The following KALRN variants were observed in gnomAD, a reference collection of about 807,000 sequenced individuals.
The protein encoded by KALRN is kalirin RhoGEF kinase, also known as kalirin.
KALRN carries 70 observed loss-of-function variants against 353.7 expected under a neutral mutation model. The observed-to-expected ratio is 0.20, with a 90% CI of 0.16 to 0.24. The LOEUF (loss-of-function observed/expected upper bound fraction) is 0.24, where lower values mean the gene tolerates loss of function less well. KALRN is among the 10% of genes least tolerant of loss of function. KALRN has a pLI of 1.00. For missense variants in KALRN, 2,791 were observed against 3,756.7 expected (o/e 0.74, Z 6.72); for synonymous variants, 1,391 against 1,434.8 (o/e 0.97, Z 0.69).
chr3:124,117,733 T>C (rs1489219920), intron 1 of KALRN, among the ~76,000 whole-genome samples: 4 of 152,114 alleles, frequency 2.6e-5, no homozygotes, highest in African/African-American at 4.8e-5. Context: ...TTACTTAACA[T>C]GATGTGGTGG....
intron 2 of KALRN, among the ~76,000 whole-genome samples, chr3:124,228,759 T>C (rs905466946): frequency 9.2e-5 from 14 of 152,222 alleles, no homozygotes; most frequent in African/African-American, 3.4e-4. Context: ...AAAGTCATTA[T>C]TGCACAGTTC....
chr3:124,630,955 T>C (rs2080707668), intron 34 of KALRN, among the ~76,000 whole-genome samples: 1 of 151,694 alleles, frequency 6.6e-6, no homozygotes. Flanking sequence ...AATTAGGCCA[T>C]GGCCCCCTCC....
intron 33 of KALRN, among the ~76,000 whole-genome samples, chr3:124,549,964 T>A (rs1314727212): frequency 6.6e-6 from 1 of 152,092 alleles, no homozygotes; most frequent in African/African-American, 2.4e-5. Flanking sequence ...GGAAGTGTTA[T>A]GAAGGGCTTT....
intron 38 of KALRN, among the ~76,000 whole-genome samples, chr3:124,652,870 C>A (rs567038514): frequency 6.6e-6 from 1 of 152,252 alleles, no homozygotes; most frequent in East Asian, 1.9e-4. Context: ...AGCCACCGCA[C>A]CCAGCCGCCA....
At chr3:124,154,192 A>C (rs990697068) in intron 1 of KALRN, among the ~76,000 whole-genome samples, 9 of 152,166 alleles carry the variant, frequency 5.9e-5, no homozygotes, top group African/African-American at 2.2e-4. Context: ...TCCCTTTGAA[A>C]ATTGGCACAA....
At chr3:124,642,806 G>GTTTTTTTTTTTTTGTTGTTGTT (rs2082213566) in intron 37 of KALRN, among the ~76,000 whole-genome samples, 51 of 96,812 alleles carry the variant, frequency 5.3e-4, no homozygotes, top group African/African-American at 2.2e-3. Context: ...CCCAAGCCTC[G>GTTTTTTTTTTTTTGTTGTTGTT]TTTTTTTTTT....
chr3:124,499,372 A>G (rs1226632102), intron 33 of KALRN, among the ~76,000 whole-genome samples: 1 of 152,238 alleles, frequency 6.6e-6, no homozygotes, highest in Admixed American at 6.5e-5. Context: ...AATAATACCT[A>G]TCTCACTAAG....
chr3:124,107,278 G>T (rs994558127), intron 1 of KALRN, among the ~76,000 whole-genome samples: 1 of 152,118 alleles, frequency 6.6e-6, no homozygotes, highest in Non-Finnish European at 1.5e-5. Context: ...ACTCATCAGT[G>T]TTTTCATTTT....
At chr3:124,296,860 C>CCTTGAGA (rs1314112373) in intron 5 of KALRN, among the ~76,000 whole-genome samples, 1 of 152,242 alleles carries the variant, frequency 6.6e-6, no homozygotes, top group Non-Finnish European at 1.5e-5. Context: ...AGGTTTGACT[C>CCTTGAGA]AGGTGTCACC....
intron 3 of KALRN, among the ~76,000 whole-genome samples, chr3:124,251,613 C>T (rs1250662552): frequency 3.3e-5 from 5 of 152,144 alleles, no homozygotes; most frequent in Admixed American, 1.3e-4. Context: ...TCAAGCAAGT[C>T]GCCTGTTGCA....
intron 5 of KALRN, among the ~76,000 whole-genome samples, chr3:124,275,619 C>T (rs1240552026): frequency 2.0e-5 from 3 of 152,220 alleles, no homozygotes; most frequent in East Asian, 1.9e-4. Flanking sequence ...ATTCCAGGAA[C>T]ATTGGCTTCC....
chr3:124,277,269 CG>C (rs1194124156), intron 5 of KALRN, among the ~76,000 whole-genome samples: 1 of 152,186 alleles, frequency 6.6e-6, no homozygotes, highest in African/African-American at 2.4e-5. Context: ...AAGGCCTTTA[CG>C]GGGTGGTTGT....
At chr3:124,239,293 C>A (rs552103485) in intron 3 of KALRN, among the ~76,000 whole-genome samples, 2 of 152,064 alleles carry the variant, frequency 1.3e-5, no homozygotes, top group African/African-American at 2.4e-5. Flanking sequence ...TGGGAGTTGA[C>A]GAAATGCTTG....
At chr3:124,690,056 A>T (rs1286364031) in intron 51 of KALRN, among the ~76,000 whole-genome samples, 1 of 152,176 alleles carries the variant, frequency 6.6e-6, no homozygotes, top group African/African-American at 2.4e-5. Context: ...TCTCCTCCCC[A>T]AAATTAGGAT....
chr3:124,615,950 G>A (rs928018795), intron 34 of KALRN, among the ~76,000 whole-genome samples: 1 of 152,172 alleles, frequency 6.6e-6, no homozygotes, highest in Non-Finnish European at 1.5e-5. Context: ...TGGCACAGGT[G>A]GTTGGGAGAA....
intron 1 of KALRN, among the ~76,000 whole-genome samples, chr3:124,185,784 A>G (rs949921324): frequency 1.3e-5 from 2 of 152,218 alleles, no homozygotes; most frequent in African/African-American, 4.8e-5. Flanking sequence ...AGGTAGACCA[A>G]GGCCACTCAA....
At chr3:124,399,671 C>T (rs2090614705) in intron 13 of KALRN, among the ~76,000 whole-genome samples, 2 of 152,176 alleles carry the variant, frequency 1.3e-5, no homozygotes, top group African/African-American at 4.8e-5. Flanking sequence ...CCTGTATCCG[C>T]AGTTTGATTT....
intron 34 of KALRN, among the ~76,000 whole-genome samples, chr3:124,575,034 C>A (rs2073952180): frequency 6.6e-6 from 1 of 152,250 alleles, no homozygotes; most frequent in African/African-American, 2.4e-5. Context: ...CAGCCTTAAC[C>A]CAAACCCTGC....
intron 11 of KALRN, among the ~76,000 whole-genome samples, chr3:124,389,500 T>A (rs1355418714): frequency 6.6e-6 from 1 of 152,234 alleles, no homozygotes; most frequent in Non-Finnish European, 1.5e-5. Flanking sequence ...TCTTTATTTA[T>A]TGTAGGAGCC....
Sources: allele counts gnomAD v4.1 joint callset (sites outside exome capture counted in the v4.1 genomes callset), GRCh38; gene constraint gnomAD v4.1.1; transcripts MANE v1.5; gene names NCBI Gene and HGNC (gene_info 2026-07-23, HGNC 2026-07-21).